The following CABLES2 variants were observed in gnomAD, a reference collection of about 807,000 sequenced individuals.
CABLES2 encodes CDK5 and ABL1 enzyme substrate 2.
CABLES2 carries 35 observed loss-of-function variants against 44.8 expected under a neutral mutation model. The ratio of observed to expected loss-of-function variants is 0.78; its 90% CI spans 0.60 to 1.04. CABLES2 has a LOEUF of 1.04. Ranked by LOEUF, CABLES2 falls within the 50% of genes least tolerant of loss-of-function variation. CABLES2 has a pLI of 0.00. For synonymous variants in CABLES2, 282 were observed against 281.1 expected (o/e 1.00, Z -0.03); for missense variants, 566 against 615.7 (o/e 0.92, Z 0.85).
rs376503850 is a variant in CABLES2 at position 62,391,311 on chromosome 20, C to G, written c.1234G>C (p.Val412Leu). The change falls in exon 9 of 10, where the codon GTG becomes CTG. Residue 412 changes from valine to leucine, a missense_variant. Physicochemically the swap from Val to Leu is conservative, Grantham distance 32. Around this residue, in one of 2 missense-constraint regions of CABLES2, gnomAD observed 436 missense variants for 536.3 expected, o/e 0.81. Coordinates refer to ENST00000279101, the MANE Select transcript of CABLES2 (RefSeq NM_031215.3). This position sits in a 1 kb window ranked among gnomAD's most constrained non-coding sequence, Gnocchi z 5.7. ...CTGCTGATCTTGGCAGCCAGCAGCA[C>G]GCAGGCGCCAGCGCACAGCTTGCGG... is the stretch of plus-strand genomic sequence containing the variant. ...QNRKLCAGACVLLAAKISSDL... is the reference protein window; with the variant it reads ...QNRKLCAGACLLLAAKISSDL... The G allele has an allele frequency of 7.4e-6, 12 of 1,613,064 alleles. No individual in the cohort carries two copies. The Admixed American group carries it at 1.5e-4, about 20-fold the overall frequency.
chr20:62,398,619 C>T (rs967110006), intron 1 of CABLES2, among the ~76,000 whole-genome samples: 1 of 152,230 alleles, frequency 6.6e-6, no homozygotes, highest in Non-Finnish European at 1.5e-5. Context: ...CCGGCTTACA[C>T]ACAAGACCTG....
At chr20:62,394,024 C>T in intron 5 of CABLES2, 133 bp downstream of exon 5, 1 of 747,532 alleles carries the variant, frequency 1.3e-6, no homozygotes, top group South Asian at 1.6e-5. Context: ...GGCCCGCATC[C>T]ACTCCACCCT....
chr20:62,401,694 C>G (rs552615700), intron 1 of CABLES2, among the ~76,000 whole-genome samples: 1 of 152,164 alleles, frequency 6.6e-6, no homozygotes, highest in African/African-American at 2.4e-5. Flanking sequence ...AGACGCCACA[C>G]GGGTTGAGAG....
In CABLES2 at chr20:62,394,949, C is replaced by T. The variant is rs369586037; in HGVS notation, c.593G>A (p.Gly198Asp). The change falls in exon 4 of 10, where the codon GGC becomes GAC. Residue 198 changes from glycine (G) to aspartate (D), a missense_variant. Gly to Asp is a moderately conservative substitution (Grantham distance 94). Around this residue, in one of 2 missense-constraint regions of CABLES2, gnomAD observed 436 missense variants for 536.3 expected, o/e 0.81. Coordinates refer to ENST00000279101, the MANE Select transcript of CABLES2 (RefSeq NM_031215.3). ...GCTGAGTACTCACCTGATCCGCAGGCCTTCCCCATAGGGCAGGACCGAGAA... is the reference window on the plus strand; with the variant it reads ...GCTGAGTACTCACCTGATCCGCAGGTCTTCCCCATAGGGCAGGACCGAGAA... ...AAFSVLPYGE[G>D]LRISDLRVDS... 3.7e-6 allele frequency: 6 copies of T among 1,612,880 alleles called. No homozygotes were observed. The highest frequency in any genetic ancestry group is 5.1e-6 in the Non-Finnish European group (6 of 1,179,890).
chr20:62,398,095 T>C (rs1202413387), intron 1 of CABLES2, among the ~76,000 whole-genome samples: 1,667 of 136,468 alleles, frequency 0.012, 112 homozygotes, highest in African/African-American at 0.044. Context: ...GTGACGGTGG[T>C]GGTGGTGGTG....
intron 1 of CABLES2, among the ~76,000 whole-genome samples, chr20:62,398,159 G>A (rs1235607511): frequency 4.7e-5 from 5 of 106,268 alleles, no homozygotes; most frequent in East Asian, 4.7e-4. Context: ...TGGTGGTGAC[G>A]GTGATGGTGG....
At chr20:62,394,375 A>G (rs1364668347) in intron 4 of CABLES2, 110 bp from the exon 5 acceptor site, 2 of 789,460 alleles carry the variant, frequency 2.5e-6, no homozygotes, top group Non-Finnish European at 2.1e-6. Context: ...ATGTCAGCAC[A>G]GCCCCTCGGG....
intron 1 of CABLES2, among the ~76,000 whole-genome samples, chr20:62,400,991 T>C (rs1295932691): frequency 1.3e-5 from 2 of 151,970 alleles, no homozygotes; most frequent in African/African-American, 4.8e-5. Context: ...AGTTCATGGG[T>C]GGGTAAATTG....
At chr20:62,398,218 G>GT (rs1326139749) in intron 1 of CABLES2, among the ~76,000 whole-genome samples, 6 of 114,602 alleles carry the variant, frequency 5.2e-5, no homozygotes, top group Non-Finnish European at 7.3e-5. Flanking sequence ...GTGATGTGAT[G>GT]GTGGTGGTGG....
intron 4 of CABLES2, 72 bp from the exon 5 acceptor site, chr20:62,394,337 C>T: frequency 8.1e-7 from 1 of 1,241,386 alleles, no homozygotes; most frequent in Non-Finnish European, 1.2e-6. Context: ...GCCCACCTGT[C>T]CGCTGGCCCG....
Position 62,400,182 on chromosome 20 carries a change from G to T in CABLES2, c.363-3590C>A, listed in dbSNP as rs1250389198. Among the ~76,000 whole-genome samples, 5 of 152,346 alleles carry T rather than the reference G, an allele frequency of 3.3e-5. No homozygotes were observed. The East Asian group carries it at 9.6e-4, about 29-fold the overall frequency. On this transcript the variant is annotated intron_variant, in intron 1 of 9. Coordinates refer to ENST00000279101, the MANE Select transcript of CABLES2 (RefSeq NM_031215.3). ...GGGGACCAGCCGGATGGCTGCAGAAGGTGGGTGAGCAGCTGGCCAGAGGAG... is the reference window on the plus strand; with the variant it reads ...GGGGACCAGCCGGATGGCTGCAGAATGTGGGTGAGCAGCTGGCCAGAGGAG...
Position 62,393,471 on chromosome 20 carries a change from G to T in CABLES2, c.849C>A (p.Pro283=), listed in dbSNP as rs1161487827. 1 of 1,611,524 alleles carries T rather than the reference G, an allele frequency of 6.2e-7. No homozygotes were observed. Among genetic ancestry groups the T allele is most frequent in the African/African-American group, 1.3e-5 (1 of 74,874 alleles). The change falls in exon 6 of 10, where the codon CCC becomes CCA. Residue 283 remains proline (P), a synonymous_variant. Coordinates refer to ENST00000279101, the MANE Select transcript of CABLES2 (RefSeq NM_031215.3). ...CTGTGCTGGCTGGTGCCGACTTGGT[G>T]GGGGCAGGTTTATGTCTTGACCCTG... ...TLPGSRHKPA[P]TKSAPASTEL...
intron 5 of CABLES2, 152 bp downstream of exon 5, chr20:62,394,005 G>A (rs1987968930): frequency 4.5e-6 from 3 of 672,996 alleles, no homozygotes; most frequent in Non-Finnish European, 7.8e-6. Context: ...ACGTTCTCAG[G>A]GCTGCACGGG....
intron 1 of CABLES2, among the ~76,000 whole-genome samples, chr20:62,398,109 G>GTGGTGGTGGTGATGGTGA (rs1988091330): frequency 9.5e-6 from 1 of 104,842 alleles, no homozygotes; most frequent in Non-Finnish European, 2.1e-5. Flanking sequence ...GGTGGTGATG[G>GTGGTGGTGGTGATGGTGA]TGGTGGTGGT....
chr20:62,398,160 GTGATGGTGGTAATGGTGGTGGTGGTGA>G (rs1988100908), intron 1 of CABLES2, among the ~76,000 whole-genome samples: 1 of 105,326 alleles, frequency 9.5e-6, no homozygotes. Context: ...GGTGGTGACG[GTGATGGTGGTAATGGTGGTGGTGGTGA>G]TGGTGATGAT....
chr20:62,401,569 G>A (rs1039730213), intron 1 of CABLES2, among the ~76,000 whole-genome samples: 9 of 152,214 alleles, frequency 5.9e-5, no homozygotes, highest in South Asian at 4.1e-4. Flanking sequence ...AGAGGATCAC[G>A]CATGTGCAGA....
chr20:62,404,427 C>T (rs1237629673), intron 1 of CABLES2: 4 of 152,572 alleles, frequency 2.6e-5, no homozygotes, highest in African/African-American at 9.6e-5. Context: ...ACCACACTCA[C>T]AAGACCAACA....
At chr20:62,405,329 T>C (rs538523446) in intron 1 of CABLES2, 6 of 152,436 alleles carry the variant, frequency 3.9e-5, no homozygotes, top group African/African-American at 1.4e-4. Flanking sequence ...CCTTGTTCCA[T>C]CTCTCCCGCC....
rs1987890810 is a variant in CABLES2, at chr20:62,390,326, AAATC to A, written c.*641_*644del. ...AAGAGTCCAAGAATGAGATCAAAAT[AAATC>A]AGGAGACTGCTCCCGCTGGCCTAAC... On this transcript the variant is annotated 3_prime_UTR_variant, in exon 10 of 10. Coordinates refer to ENST00000279101, the MANE Select transcript of CABLES2 (RefSeq NM_031215.3). The A allele has an allele frequency of 6.5e-6, 1 of 153,282 alleles. No homozygotes were observed. The highest frequency in any genetic ancestry group is 2.1e-4 in the South Asian group (1 of 4,876). The allele number at this position is 153,282 out of a possible 1,614,324, so 9.5% of individuals were successfully genotyped here.
Sources: allele counts gnomAD v4.1 joint callset (sites outside exome capture counted in the v4.1 genomes callset), GRCh38; gene constraint gnomAD v4.1.1; regional missense constraint gnomAD v4.1.1; non-coding constraint Gnocchi (gnomAD v3.1); transcripts MANE v1.5; gene names NCBI Gene and HGNC (gene_info 2026-07-23, HGNC 2026-07-21).